TES: variants seen among roughly 807,000 people sequenced by gnomAD.
TES encodes testin.
Under a neutral mutation model 48.2 loss-of-function variants are expected in TES, and 41 were observed. The ratio of observed to expected loss-of-function variants is 0.85; its 90% CI spans 0.66 to 1.10. The LOEUF (loss-of-function observed/expected upper bound fraction) is 1.10. Among genes scored for constraint, TES ranks in the 50% least tolerant of loss-of-function variants. TES has a pLI of 0.00. For synonymous variants in TES, 162 were observed against 174.9 expected (o/e 0.93, Z 0.58); for missense variants, 463 against 515.1 (o/e 0.90, Z 0.98).
chr7:116,245,016 C>T (rs1190737026), intron 2 of TES, among the ~76,000 whole-genome samples: 1 of 152,102 alleles, frequency 6.6e-6, no homozygotes, highest in Non-Finnish European at 1.5e-5. Flanking sequence ...GCAAGGGATC[C>T]CTGGGCGTGG....
chr7:116,236,756 A>G (rs1208251770), intron 2 of TES, among the ~76,000 whole-genome samples: 1 of 152,234 alleles, frequency 6.6e-6, no homozygotes, highest in African/African-American at 2.4e-5. Context: ...TTCAGATGAA[A>G]ATATATCCGA....
At chr7:116,226,432 AGAG>A (rs1262243006) in intron 1 of TES, among the ~76,000 whole-genome samples, 10 of 152,092 alleles carry the variant, frequency 6.6e-5, no homozygotes, top group African/African-American at 2.4e-4. Flanking sequence ...ATGGAGAAGA[AGAG>A]GAGCAGAGGT....
intron 1 of TES, among the ~76,000 whole-genome samples, chr7:116,214,481 C>T (rs1799471865): frequency 1.3e-5 from 2 of 152,104 alleles, no homozygotes; most frequent in South Asian, 4.1e-4. Flanking sequence ...AAAGGTAGGG[C>T]AAGGCACATC....
intron 6 of TES, among the ~76,000 whole-genome samples, chr7:116,254,702 C>T (rs1800068525): frequency 6.6e-6 from 1 of 151,576 alleles, no homozygotes; most frequent in African/African-American, 2.4e-5. Context: ...TGCCACTGCA[C>T]CCCAAGCCCA....
At chr7:116,247,969 C>T (rs1484559762) in intron 2 of TES, among the ~76,000 whole-genome samples, 2 of 152,128 alleles carry the variant, frequency 1.3e-5, no homozygotes, top group Non-Finnish European at 2.9e-5. Flanking sequence ...CTCCCTCTCA[C>T]CCTCCCCACT....
intron 1 of TES, among the ~76,000 whole-genome samples, chr7:116,214,064 A>G (rs1239575513): frequency 1.3e-5 from 2 of 151,938 alleles, no homozygotes; most frequent in Non-Finnish European, 2.9e-5. Context: ...GGGCTTTTTC[A>G]TTTTACCGTG....
At chr7:116,218,270 C>T (rs552196717) in intron 1 of TES, among the ~76,000 whole-genome samples, 1 of 151,376 alleles carries the variant, frequency 6.6e-6, no homozygotes, top group Non-Finnish European at 1.5e-5. Flanking sequence ...TCAGGGTGTT[C>T]ATTGCATAGC....
At chr7:116,245,697 T>C (rs1044672761) in intron 2 of TES, among the ~76,000 whole-genome samples, 1 of 152,160 alleles carries the variant, frequency 6.6e-6, no homozygotes, top group Non-Finnish European at 1.5e-5. Flanking sequence ...CCACACCCTT[T>C]AAAGTACCAG....
chr7:116,214,622 T>A (rs560781019), intron 1 of TES, among the ~76,000 whole-genome samples: 1 of 152,264 alleles, frequency 6.6e-6, no homozygotes, highest in South Asian at 2.1e-4. Context: ...ATATGAAAAG[T>A]CCCTTTCTCT....
At position 116,250,231 on chromosome 7, in the gene TES, G is replaced by T; in HGVS notation, c.437G>T (p.Arg146Leu). ...GCAGGCTCAGAGGGGGCACAGTACC[G>T]GAAGAAGCAGCTGGCAAAGCAGCTC... ...PVAGSEGAQY[R>L]KKQLAKQLPA... The change falls in exon 4 of 7, where the codon CGG (arginine) becomes CTG (leucine). Residue 146 changes from arginine to leucine, a missense_variant. Physicochemically the swap from Arg to Leu is moderately radical, Grantham distance 102. Transcript: ENST00000358204. The T allele has an allele frequency of 6.2e-7, 1 of 1,606,356 alleles. No individual in the cohort carries two copies. Among genetic ancestry groups the T allele is most frequent in the Non-Finnish European group, 8.5e-7 (1 of 1,176,550 alleles).
chr7:116,254,922 C>G (rs947682941), intron 6 of TES, among the ~76,000 whole-genome samples: 1 of 152,060 alleles, frequency 6.6e-6, no homozygotes. Context: ...GAGCTACCCA[C>G]ACAGCATGCT....
chr7:116,242,529 CTCTCTCTCTGTCTCTG>C (rs1233968607), intron 2 of TES, among the ~76,000 whole-genome samples: 5 of 105,332 alleles, frequency 4.7e-5, no homozygotes, highest in Admixed American at 3.5e-4. Context: ...CTCTCTCTCT[CTCTCTCTCTGTCTCTG>C]TCTCGGAATA....
Position 116,257,729 on chromosome 7 carries a change from G to C in TES, c.*247G>C. The C allele has an allele frequency of 3.4e-6, 1 of 294,534 alleles. No individual in the cohort carries two copies. The highest frequency in any genetic ancestry group is 6.0e-6 in the Non-Finnish European group (1 of 165,704). 18.2% of individuals were successfully genotyped at this position (294,534 alleles called of 1,614,324 possible). ...TATCTTTCCATAGCTTTTCAAATGT[G>C]AAATCATTTTTGGAAGCTTGGATCT... On this transcript the variant is annotated 3_prime_UTR_variant, in exon 7 of 7. Coordinates refer to ENST00000358204, the MANE Select transcript of TES (RefSeq NM_015641.4).
intron 1 of TES, among the ~76,000 whole-genome samples, chr7:116,218,290 C>G (rs1327468074): frequency 9.7e-6 from 1 of 103,482 alleles, no homozygotes; most frequent in African/African-American, 3.9e-5. Context: ...CTTATCTGAG[C>G]AGCGAGCCCA....
At chr7:116,214,725 A>T (rs551531543) in intron 1 of TES, among the ~76,000 whole-genome samples, 1 of 152,258 alleles carries the variant, frequency 6.6e-6, no homozygotes, top group East Asian at 1.9e-4. Context: ...AGAAATAGGA[A>T]TTTATATTGC....
intron 3 of TES, chr7:116,249,856 C>A: frequency 4.4e-6 from 1 of 229,430 alleles, no homozygotes; most frequent in East Asian, 8.8e-5. Flanking sequence ...ACATGTCTGC[C>A]TAAAAGTTTA....
chr7:116,226,498 G>T (rs1301369603), intron 1 of TES, among the ~76,000 whole-genome samples: 1 of 152,224 alleles, frequency 6.6e-6, no homozygotes, highest in Non-Finnish European at 1.5e-5. Context: ...GAGGGGAGTG[G>T]TGTGAGGAAG....
rs1349753944 is a variant in TES at position 116,257,514 on chromosome 7, C to G, written c.*32C>G. The G allele has an allele frequency of 6.6e-7, 1 of 1,519,772 alleles. No individual in the cohort carries two copies. Among genetic ancestry groups the G allele is most frequent in the East Asian group, 2.4e-5 (1 of 42,150 alleles). The allele number at this position is 1,519,772 out of a possible 1,614,324, so 94.1% of individuals were successfully genotyped here. ...GGCACCCAGAAGTATCGAGCCATAG[C>G]TATCCAAAGTGGTCTGCATTTCTAC... On this transcript the variant is annotated 3_prime_UTR_variant, in exon 7 of 7. Transcript: ENST00000358204.
intron 6 of TES, among the ~76,000 whole-genome samples, chr7:116,255,512 T>A (rs1800085995): frequency 6.6e-6 from 1 of 152,216 alleles, no homozygotes; most frequent in South Asian, 2.1e-4. Context: ...ACCCCAGACT[T>A]TAATTCTCTA....
Sources: gnomAD v4.1 joint callset for allele counts (sites outside exome capture counted in the v4.1 genomes callset) on GRCh38, gnomAD v4.1.1 for gene constraint, MANE v1.5 for transcripts, NCBI Gene and HGNC (gene_info 2026-07-23, HGNC 2026-07-21) for gene names.